Variants in NELL1 observed in about 807,000 individuals in gnomAD.
NELL1 encodes neural EGFL like 1.
A neutral mutation model predicts 107.4 loss-of-function variants in NELL1; 76 were observed. That is an observed-to-expected ratio of 0.71 (90% CI 0.59 to 0.86). The LOEUF (loss-of-function observed/expected upper bound fraction) is 0.86, where lower values mean the gene tolerates loss of function less well. Among genes scored for constraint, NELL1 ranks in the 40% least tolerant of loss-of-function variants. The pLI is 0.00. For missense variants in NELL1, 1,024 were observed against 1,005.5 expected (o/e 1.02, Z -0.25); for synonymous variants, 353 against 341.2 (o/e 1.03, Z -0.38).
At chr11:20,913,679 A>G (rs192962585) in intron 5 of NELL1, among the ~76,000 whole-genome samples, 20 of 152,106 alleles carry the variant, frequency 1.3e-4, no homozygotes, top group Non-Finnish European at 2.8e-4. Flanking sequence ...AAAGGAAAAA[A>G]AATCCATTTT....
chr11:21,014,471 C>T (rs1852520512), intron 12 of NELL1, among the ~76,000 whole-genome samples: 1 of 152,084 alleles, frequency 6.6e-6, no homozygotes, highest in Admixed American at 6.5e-5. Context: ...GCTGGCATTC[C>T]TCAGAGAGTC....
chr11:20,837,123 G>A (rs1848546495), intron 3 of NELL1, among the ~76,000 whole-genome samples: 2 of 152,162 alleles, frequency 1.3e-5, no homozygotes, highest in South Asian at 4.1e-4. Flanking sequence ...ACTAAAGGCG[G>A]AAGGAACTGT....
chr11:21,246,344 T>G (rs928152220), intron 14 of NELL1, among the ~76,000 whole-genome samples: 1 of 152,178 alleles, frequency 6.6e-6, no homozygotes, highest in African/African-American at 2.4e-5. Context: ...GAAATTGTCA[T>G]GTGTGTAGAT....
At chr11:21,571,971 A>T (rs551983034) in intron 18 of NELL1, among the ~76,000 whole-genome samples, 168 of 151,958 alleles carry the variant, frequency 1.1e-3, no homozygotes, top group African/African-American at 3.8e-3. Context: ...TTTCCATCAG[A>T]TTTTTTTAAA....
At chr11:21,458,351 AAGT>A (rs1853803457) in intron 15 of NELL1, among the ~76,000 whole-genome samples, 1 of 152,180 alleles carries the variant, frequency 6.6e-6, no homozygotes. Flanking sequence ...TTGACCCTGT[AAGT>A]CTACATATAG....
At chr11:21,153,534 A>G (rs968666403) in intron 13 of NELL1, among the ~76,000 whole-genome samples, 5 of 152,300 alleles carry the variant, frequency 3.3e-5, no homozygotes, top group East Asian at 1.9e-4. Flanking sequence ...GTTTGCCGTG[A>G]TGGAGCTCAT....
intron 14 of NELL1, among the ~76,000 whole-genome samples, chr11:21,348,274 T>C (rs989279254): frequency 6.6e-6 from 1 of 152,160 alleles, no homozygotes; most frequent in African/African-American, 2.4e-5. Flanking sequence ...TATGGTAGAA[T>C]ATATTAGAAC....
chr11:21,170,393 C>T (rs1856578334), intron 13 of NELL1, among the ~76,000 whole-genome samples: 1 of 151,660 alleles, frequency 6.6e-6, no homozygotes, highest in Admixed American at 6.6e-5. Flanking sequence ...TACAGGGACA[C>T]ACACATCTTG....
intron 16 of NELL1, among the ~76,000 whole-genome samples, chr11:21,537,618 G>A (rs558297576): frequency 1.2e-4 from 18 of 147,318 alleles, no homozygotes; most frequent in African/African-American, 4.0e-4. Flanking sequence ...ATGCACATGT[G>A]TGTAATATTC....
intron 15 of NELL1, among the ~76,000 whole-genome samples, chr11:21,399,278 A>G (rs1852044609): frequency 6.6e-6 from 1 of 151,724 alleles, no homozygotes; most frequent in Admixed American, 6.6e-5. Context: ...TGGGTTCATT[A>G]CTAGTATCTA....
At chr11:21,371,972 A>G (rs1851366842) in intron 15 of NELL1, among the ~76,000 whole-genome samples, 1 of 152,088 alleles carries the variant, frequency 6.6e-6, no homozygotes, top group Non-Finnish European at 1.5e-5. Flanking sequence ...TATATTTATG[A>G]GGCAGTCTAA....
intron 12 of NELL1, among the ~76,000 whole-genome samples, chr11:21,067,729 C>T (rs1372754278): frequency 1.3e-5 from 2 of 151,996 alleles, no homozygotes; most frequent in African/African-American, 2.4e-5. Context: ...AGATTTGTCA[C>T]TTTGTTTAGA....
chr11:21,433,294 G>T (rs187289962), intron 15 of NELL1, among the ~76,000 whole-genome samples: 2 of 152,166 alleles, frequency 1.3e-5, no homozygotes, highest in Non-Finnish European at 2.9e-5. Context: ...GGCATGTGGG[G>T]TTATTACGTA....
intron 14 of NELL1, among the ~76,000 whole-genome samples, chr11:21,298,366 T>G (rs139743927): frequency 6.6e-6 from 1 of 151,986 alleles, no homozygotes; most frequent in African/African-American, 2.4e-5. Flanking sequence ...TTCAGTTCAC[T>G]TCTTATTTAT....
chr11:21,477,161 C>T (rs1854358083), intron 15 of NELL1, among the ~76,000 whole-genome samples: 1 of 152,028 alleles, frequency 6.6e-6, no homozygotes, highest in South Asian at 2.1e-4. Flanking sequence ...TCCCCCAAGC[C>T]CAGACAGTAC....
chr11:20,706,885 T>G (rs571142053), intron 2 of NELL1, among the ~76,000 whole-genome samples: 147 of 152,268 alleles, frequency 9.7e-4, no homozygotes, highest in African/African-American at 3.4e-3. Flanking sequence ...GGAGTATCTT[T>G]GTGGCGTTCT....
At chr11:20,806,658 G>A (rs1182598279) in intron 3 of NELL1, among the ~76,000 whole-genome samples, 1 of 151,978 alleles carries the variant, frequency 6.6e-6, no homozygotes, top group African/African-American at 2.4e-5. Context: ...TCCCCTTTAA[G>A]GCCAATAACT....
chr11:20,977,597 T>G (rs1331331295), intron 12 of NELL1, among the ~76,000 whole-genome samples: 1 of 152,196 alleles, frequency 6.6e-6, no homozygotes, highest in Non-Finnish European at 1.5e-5. Context: ...TTAGGACTTT[T>G]TTCATGCTGT....
At chr11:21,175,438 A>G (rs1406049845) in intron 13 of NELL1, among the ~76,000 whole-genome samples, 1 of 151,904 alleles carries the variant, frequency 6.6e-6, no homozygotes, top group Non-Finnish European at 1.5e-5. Context: ...CTGGCAAAGC[A>G]TACTTAATCA....
Sources: allele counts gnomAD v4.1 joint callset (sites outside exome capture counted in the v4.1 genomes callset), GRCh38; gene constraint gnomAD v4.1.1; transcripts MANE v1.5; gene names NCBI Gene and HGNC (gene_info 2026-07-23, HGNC 2026-07-21).